Variants in COL26A1 observed in about 807,000 individuals in gnomAD.
COL26A1 encodes the protein collagen alpha-1(XXVI) chain.
A neutral mutation model predicts 59.3 loss-of-function variants in COL26A1; 41 were observed. That is an observed-to-expected ratio of 0.69 (90% CI 0.54 to 0.90). COL26A1 has a LOEUF of 0.90. Among genes scored for constraint, COL26A1 ranks in the 40% least tolerant of loss-of-function variants. The probability of loss-of-function intolerance (pLI) is 0.00; values close to 1 mark genes in which losing one functional copy is unlikely to be tolerated. For synonymous variants in COL26A1, 266 were observed against 256.0 expected, an observed-to-expected ratio of 1.04 and a Z score of -0.37; for missense variants, 612 against 602.3, an observed-to-expected ratio of 1.02 and a Z score of -0.17.
At chr7:101,405,989 G>A (rs897338448) in intron 1 of COL26A1, among the ~76,000 whole-genome samples, 1 of 152,174 alleles carries the variant, frequency 6.6e-6, no homozygotes, top group African/African-American at 2.4e-5. Context: ...CTGAGAGGCT[G>A]GTGGCACGGC....
intron 3 of COL26A1, among the ~76,000 whole-genome samples, chr7:101,530,961 G>GT (rs2130634913): frequency 6.6e-6 from 1 of 150,760 alleles, no homozygotes; most frequent in African/African-American, 2.4e-5. Flanking sequence ...GTTTTTTTTT[G>GT]TTTTTTGTTT....
intron 3 of COL26A1, among the ~76,000 whole-genome samples, chr7:101,501,201 AGAAAAG>A (rs1563014917): frequency 5.6e-5 from 7 of 124,730 alleles, no homozygotes; most frequent in African/African-American, 2.1e-4. Flanking sequence ...AAAAAAAAAA[AGAAAAG>A]AAAAGAAAAG....
chr7:101,392,197 G>A (rs1027324875), intron 1 of COL26A1, among the ~76,000 whole-genome samples: 7 of 152,034 alleles, frequency 4.6e-5, no homozygotes, highest in South Asian at 2.1e-4. Context: ...TGAGGGTGGC[G>A]GGTGCACAGG....
rs377391842 is a variant in COL26A1 at position 101,545,393 on chromosome 7, C to G, written c.759C>G (p.Gly253=). 2 of 1,588,096 alleles carry G rather than the reference C, an allele frequency of 1.3e-6. No individual in the cohort carries two copies. The highest frequency in any genetic ancestry group is 1.4e-5 in the African/African-American group (1 of 72,864). Residue 253 remains glycine, a synonymous_variant, in exon 7 of 13, where the codon GGC becomes GGG. Coordinates refer to ENST00000313669, the MANE Select transcript of COL26A1 (RefSeq NM_001278563.3). ...TTCCTGGAGAGATGGGGCGCCCCGG[C>G]CCCCCAGGACCACCCGGCCCAGCAG... ...RGLPGEMGRP[G]PPGPPGPAGN...
At chr7:101,377,802 A>ACCAG in intron 1 of COL26A1, among the ~76,000 whole-genome samples, 1 of 152,314 alleles carries the variant, frequency 6.6e-6, no homozygotes, top group South Asian at 2.1e-4. Context: ...CAGTGAACAA[A>ACCAG]ACAAAATAGG....
At chr7:101,533,518 T>G (rs1795413931) in intron 4 of COL26A1, among the ~76,000 whole-genome samples, 1 of 152,082 alleles carries the variant, frequency 6.6e-6, no homozygotes, top group African/African-American at 2.4e-5. Flanking sequence ...GGGAAAAGAC[T>G]CCGTGGAGGA....
chr7:101,443,872 C>CTTT (rs11352431), intron 2 of COL26A1, among the ~76,000 whole-genome samples: 5 of 124,760 alleles, frequency 4.0e-5, no homozygotes, highest in African/African-American at 6.0e-5. Flanking sequence ...TTTTTCTTTT[C>CTTT]TTTTTTTTTT....
chr7:101,363,536 G>GGGGCGCA (rs1177672022), intron 1 of COL26A1, among the ~76,000 whole-genome samples: 1 of 142,354 alleles, frequency 7.0e-6, no homozygotes, highest in Non-Finnish European at 1.6e-5. Context: ...GCTGGGGCGC[G>GGGGCGCA]GGGCGGCGGG....
At position 101,431,187 on chromosome 7, in the gene COL26A1, ATTGT is replaced by A. The variant is rs142229316; in HGVS notation, c.281+11094_281+11097del. Among the ~76,000 whole-genome samples, 1,121 of 152,276 alleles carry A rather than the reference ATTGT, an allele frequency of 7.4e-3. 13 individuals are homozygous for A. Among genetic ancestry groups the A allele is most frequent in the African/African-American group, 0.026 (1,081 of 41,566 alleles). On this transcript the variant is annotated intron_variant, in intron 2 of 12. Coordinates refer to ENST00000313669, the MANE Select transcript of COL26A1 (RefSeq NM_001278563.3). The stretch of plus-strand genomic sequence containing the variant: ...AATAGGAGTGGTAAGTGTGGAGAGA[ATTGT>A]TTGTTCACAATAAAACATTCTGCTA...
intron 1 of COL26A1, among the ~76,000 whole-genome samples, chr7:101,406,226 G>A (rs1792125876): frequency 6.6e-6 from 1 of 152,190 alleles, no homozygotes; most frequent in African/African-American, 2.4e-5. Context: ...TCCCTGCGGT[G>A]CTTCGAAATG....
intron 1 of COL26A1, among the ~76,000 whole-genome samples, chr7:101,390,539 C>T (rs984768153): frequency 6.6e-6 from 1 of 152,180 alleles, no homozygotes; most frequent in East Asian, 1.9e-4. Flanking sequence ...CATCCACCCA[C>T]CTCTGCCTCC....
intron 1 of COL26A1, among the ~76,000 whole-genome samples, chr7:101,408,801 T>C (rs1184793817): frequency 6.6e-6 from 1 of 152,170 alleles, no homozygotes; most frequent in African/African-American, 2.4e-5. Flanking sequence ...CAGATCTAGC[T>C]TGGATCCCAA....
intron 2 of COL26A1, among the ~76,000 whole-genome samples, chr7:101,432,109 C>T (rs1011263005): frequency 2.6e-5 from 4 of 151,660 alleles, no homozygotes; most frequent in African/African-American, 4.8e-5. Context: ...TACAGATGCC[C>T]GCCACCATGC....
intron 1 of COL26A1, among the ~76,000 whole-genome samples, chr7:101,414,405 TCG>T (rs1554407389): frequency 1.7e-4 from 25 of 144,822 alleles, no homozygotes; most frequent in South Asian, 6.8e-4. Context: ...TCTCTCTCTC[TCG>T]CTCGCTCTCG....
At chr7:101,417,519 G>A (rs1792400376) in intron 1 of COL26A1, among the ~76,000 whole-genome samples, 1 of 131,104 alleles carries the variant, frequency 7.6e-6, no homozygotes, top group Admixed American at 7.9e-5. Flanking sequence ...TTTTTAAATA[G>A]AGACAGGGTC....
chr7:101,362,851 AGGCGGCCCCGGAGAGGCGTG>A (rs1258117832), upstream of COL26A1: 1 of 586,528 alleles, frequency 1.7e-6, no homozygotes, highest in Non-Finnish European at 2.9e-6. Context: ...GAATTTGAAA[AGGCGGCCCCGGAGAGGCGTG>A]GGCGCCCCCC....
At chr7:101,475,864 C>T (rs1794027391) in intron 3 of COL26A1, among the ~76,000 whole-genome samples, 1 of 131,770 alleles carries the variant, frequency 7.6e-6, no homozygotes, top group Admixed American at 7.9e-5. Flanking sequence ...CTCTTTTTCT[C>T]TCTCTTTCTT....
intron 1 of COL26A1, among the ~76,000 whole-genome samples, chr7:101,372,229 G>A (rs1428667276): frequency 6.6e-6 from 1 of 151,986 alleles, no homozygotes; most frequent in Non-Finnish European, 1.5e-5. Context: ...GCAGTGGTGC[G>A]ATCTTGGCTC....
At chr7:101,520,783 A>C (rs1795128469) in intron 3 of COL26A1, among the ~76,000 whole-genome samples, 1 of 151,914 alleles carries the variant, frequency 6.6e-6, no homozygotes, top group Non-Finnish European at 1.5e-5. Context: ...AAGCCCCTTT[A>C]TGTTTTTTCT....
Sources: gnomAD v4.1 joint callset for allele counts (sites outside exome capture counted in the v4.1 genomes callset) on GRCh38, gnomAD v4.1.1 for gene constraint, MANE v1.5 for transcripts, NCBI Gene and HGNC (gene_info 2026-07-23, HGNC 2026-07-21) for gene names.